Variants in GLYATL1 observed in about 807,000 individuals in gnomAD.
GLYATL1 encodes glycine-N-acyltransferase like 1.
GLYATL1 carries 15 observed loss-of-function variants against 20.0 expected under a neutral mutation model. That is an observed-to-expected ratio of 0.75 (90% CI 0.50 to 1.15). The LOEUF (loss-of-function observed/expected upper bound fraction) is 1.15. Among genes scored for constraint, GLYATL1 ranks in the 50% most tolerant of loss-of-function variants. The probability of loss-of-function intolerance (pLI) is 0.00; values close to 1 mark genes in which losing one functional copy is unlikely to be tolerated. For synonymous variants in GLYATL1, 151 were observed against 131.5 expected (o/e 1.15, Z -1.01); for missense variants, 380 against 368.5 (o/e 1.03, Z -0.26).
chr11:58,950,350 C>T (rs1338820577), intron 4 of GLYATL1, among the ~76,000 whole-genome samples: 2 of 151,746 alleles, frequency 1.3e-5, no homozygotes, highest in African/African-American at 4.8e-5. Flanking sequence ...CTTTTGTCAT[C>T]ACTCTTAATT....
downstream of GLYATL1, among the ~76,000 whole-genome samples, chr11:58,912,112 A>T (rs1855060223): frequency 1.3e-5 from 2 of 152,198 alleles, no homozygotes; most frequent in South Asian, 4.1e-4. Flanking sequence ...TTGAACAAGT[A>T]TATTCTCCAT....
At chr11:58,952,527 A>C (rs1857068866) in intron 4 of GLYATL1, among the ~76,000 whole-genome samples, 1 of 152,196 alleles carries the variant, frequency 6.6e-6, no homozygotes, top group African/African-American at 2.4e-5. Context: ...TTAAATGTAA[A>C]ATAATCTGAT....
intron 2 of GLYATL1, among the ~76,000 whole-genome samples, chr11:58,944,226 GC>G (rs1856402672): frequency 6.6e-6 from 1 of 152,120 alleles, no homozygotes; most frequent in South Asian, 2.1e-4. Context: ...ATAAATGAGG[GC>G]TCTCAGTAAA....
intron 4 of GLYATL1, among the ~76,000 whole-genome samples, chr11:58,950,741 T>C (rs1234866824): frequency 6.6e-6 from 1 of 152,204 alleles, no homozygotes; most frequent in Admixed American, 6.5e-5. Context: ...TATCCCTCTT[T>C]TAATTTATCC....
At chr11:58,911,061 A>G (rs1286618426), downstream of GLYATL1, among the ~76,000 whole-genome samples, 1 of 152,208 alleles carries the variant, frequency 6.6e-6, no homozygotes, top group African/African-American at 2.4e-5. Context: ...CATCATGTAA[A>G]TGGAACATAG....
downstream of GLYATL1, among the ~76,000 whole-genome samples, chr11:58,911,613 T>G (rs189700129): frequency 1.1e-4 from 16 of 152,356 alleles, no homozygotes; most frequent in Non-Finnish European, 2.2e-4. Flanking sequence ...CATATCTTCT[T>G]TGGTGAAATG....
chr11:58,947,199 T>C (rs530747010), intron 3 of GLYATL1, 34 bp downstream of exon 3: 1 of 1,603,470 alleles, frequency 6.2e-7, no homozygotes, highest in South Asian at 1.1e-5. Context: ...GGTATGGGAG[T>C]AGGGGTGTTG....
chr11:58,955,112 G>C, intron 5 of GLYATL1, 64 bp from the exon 6 acceptor site: 1 of 1,467,568 alleles, frequency 6.8e-7, no homozygotes, highest in Non-Finnish European at 9.4e-7. Context: ...TATTAATCAG[G>C]TGGGAGCAGT....
intron 1 of GLYATL1, 195 bp from the exon 2 acceptor site, chr11:58,943,348 C>T: frequency 6.5e-7 from 1 of 1,550,076 alleles, no homozygotes; most frequent in Non-Finnish European, 8.7e-7. Context: ...TAACCAATCT[C>T]TTTGTTTCTG....
At chr11:58,917,014 T>C (rs889369830) in intron 1 of GLYATL1, 1 of 152,240 alleles carries the variant, frequency 6.6e-6, no homozygotes, top group Non-Finnish European at 1.5e-5. Flanking sequence ...CCAGAAGTAC[T>C]TTCCGTTTTT....
intron 1 of GLYATL1, among the ~76,000 whole-genome samples, chr11:58,929,520 C>T (rs1028512987): frequency 6.6e-6 from 1 of 151,942 alleles, no homozygotes; most frequent in African/African-American, 2.4e-5. Flanking sequence ...ATGTTTCACC[C>T]GTATATTATA....
intron 3 of GLYATL1, chr11:58,947,375 T>C (rs1258069352): frequency 1.6e-6 from 1 of 631,154 alleles, no homozygotes; most frequent in Non-Finnish European, 2.6e-6. Flanking sequence ...TGCCACTCAT[T>C]TGGAGAGGCA....
intron 2 of GLYATL1, among the ~76,000 whole-genome samples, chr11:58,946,007 A>G (rs1015841169): frequency 6.6e-6 from 1 of 152,206 alleles, no homozygotes; most frequent in African/African-American, 2.4e-5. Flanking sequence ...ATGGATAAAA[A>G]ATTTCAAAAA....
intron 1 of GLYATL1, among the ~76,000 whole-genome samples, chr11:58,918,606 G>T (rs1855235333): frequency 1.3e-5 from 2 of 152,250 alleles, no homozygotes; most frequent in African/African-American, 4.8e-5. Flanking sequence ...ACCCAGAATG[G>T]GCAGAAGAGG....
intron 1 of GLYATL1, among the ~76,000 whole-genome samples, chr11:58,920,078 C>G (rs533114644): frequency 6.6e-6 from 1 of 152,136 alleles, no homozygotes; most frequent in South Asian, 2.1e-4. Flanking sequence ...AAGGCTTTCT[C>G]TCTAGAAGGC....
intron 4 of GLYATL1, among the ~76,000 whole-genome samples, chr11:58,950,074 G>A (rs1321587773): frequency 7.5e-6 from 1 of 132,768 alleles, no homozygotes; most frequent in East Asian, 2.3e-4. Context: ...GAGGTCAGGA[G>A]ATCGAGACCA....
At chr11:58,927,665 A>G (rs1237651776), upstream of GLYATL1, 1 of 143,552 alleles carries the variant, frequency 7.0e-6, no homozygotes, top group Non-Finnish European at 1.6e-5. Flanking sequence ...ATGCAGCTCT[A>G]GCTTCTAATG....
chr11:58,914,737 C>G (rs1038001123), intron 1 of GLYATL1, among the ~76,000 whole-genome samples: 1 of 152,232 alleles, frequency 6.6e-6, no homozygotes, highest in Admixed American at 6.5e-5. Context: ...TTATGGTATT[C>G]CAGCCAGTGA....
rs1466912898 is a variant in GLYATL1, at chr11:58,954,812, A to G, written c.229A>G (p.Met77Val). ...GGATTCATACACAAACGTATATCGT[A>G]TGTTCTCCAAAGAGCCTCAAAAATC... ...DMDSYTNVYR[M>V]FSKEPQKSEE... Residue 77 changes from methionine to valine, a missense_variant, in exon 5 of 7, where the codon ATG (methionine) becomes GTG (valine). Transcript: ENST00000532726. 2.5e-6 allele frequency: 4 copies of G among 1,611,084 alleles called. No individual in the cohort carries two copies. Among genetic ancestry groups the G allele is most frequent in the East Asian group, 2.2e-5 (1 of 44,864 alleles).
Sources: gnomAD v4.1 joint callset for allele counts (sites outside exome capture counted in the v4.1 genomes callset) on GRCh38, gnomAD v4.1.1 for gene constraint, MANE v1.5 for transcripts, NCBI Gene and HGNC (gene_info 2026-07-23, HGNC 2026-07-21) for gene names.